The following C7 variants were observed in gnomAD, a reference collection of about 807,000 sequenced individuals.
The protein encoded by C7 is complement component C7.
C7 carries 83 observed loss-of-function variants against 104.8 expected under a neutral mutation model. The observed-to-expected ratio is 0.79, with a 90% CI of 0.66 to 0.95. C7 has a LOEUF of 0.95. C7 is among the 40% of genes least tolerant of loss of function. C7 has a pLI of 0.00. For missense variants in C7, 1,070 were observed against 1,011.2 expected (o/e 1.06, Z -0.79); for synonymous variants, 415 against 360.6 (o/e 1.15, Z -1.71).
rs995804914 is a variant in C7, at chr5:40,982,802, T to C, written c.*1229T>C. ...AAAACAGCAGCTGTGGGAGGAGAAA[T>C]GAGAGGGCTTAAATGAAATTTAAAA... On this transcript the variant is annotated 3_prime_UTR_variant, in exon 18 of 18. Transcript: ENST00000313164. 3 of 152,292 alleles carry C rather than the reference T, an allele frequency of 2.0e-5. No individual in the cohort carries two copies. Among genetic ancestry groups the C allele is most frequent in the African/African-American group, 7.2e-5 (3 of 41,434 alleles). The allele number at this position is 152,292 out of a possible 1,614,324, so 9.4% of individuals were successfully genotyped here.
chr5:40,924,991 T>A (rs28770573), intron 1 of C7, among the ~76,000 whole-genome samples: 2 of 152,096 alleles, frequency 1.3e-5, no homozygotes, highest in South Asian at 2.1e-4. Flanking sequence ...CTATTAACAC[T>A]TGGCTTCCTT....
intron 16 of C7, among the ~76,000 whole-genome samples, chr5:40,979,376 T>C (rs1740888762): frequency 6.6e-6 from 1 of 152,174 alleles, no homozygotes; most frequent in Admixed American, 6.5e-5. Context: ...CATTGAATGC[T>C]TGGTCTCCAC....
chr5:40,953,639 C>CAAAAAAAAAAAAAAAAAAAAAAAAAAAA (rs397961480), intron 9 of C7, among the ~76,000 whole-genome samples: 1 of 104,140 alleles, frequency 9.6e-6, no homozygotes, highest in Non-Finnish European at 1.8e-5. Flanking sequence ...GACTCTGTCT[C>CAAAAAAAAAAAAAAAAAAAAAAAAAAAA]AAAAAAAAAA....
intron 3 of C7, among the ~76,000 whole-genome samples, chr5:40,932,827 G>T (rs1739724234): frequency 6.6e-6 from 1 of 151,958 alleles, no homozygotes; most frequent in Admixed American, 6.6e-5. Flanking sequence ...TTATGCAATG[G>T]ATACATCCTA....
intron 1 of C7, 126 bp from the exon 2 acceptor site, chr5:40,928,454 C>A: frequency 1.7e-6 from 1 of 597,380 alleles, no homozygotes; most frequent in Non-Finnish European, 2.9e-6. Context: ...GAAATTATTT[C>A]ACATTGTATT....
chr5:40,955,616 A>G, intron 10 of C7, 63 bp downstream of exon 10: 2 of 1,490,070 alleles, frequency 1.3e-6, no homozygotes, highest in Middle Eastern at 1.8e-4. Context: ...AGGAAAACGA[A>G]GGTGGTTAAA....
At chr5:40,972,274 A>G (rs1017686525) in intron 14 of C7, 129 bp from the exon 15 acceptor site, 28 of 750,286 alleles carry the variant, frequency 3.7e-5, no homozygotes, top group Middle Eastern at 2.8e-4. Flanking sequence ...CTAACAGTGA[A>G]CTTACGTCTT....
At chr5:40,943,020 C>T (rs1197334752) in intron 6 of C7, among the ~76,000 whole-genome samples, 1 of 152,196 alleles carries the variant, frequency 6.6e-6, no homozygotes, top group East Asian at 1.9e-4. Context: ...CCTTGGCCTC[C>T]CAAAGTGCTG....
intron 1 of C7, among the ~76,000 whole-genome samples, chr5:40,917,007 C>T (rs1459245745): frequency 6.6e-6 from 1 of 151,648 alleles, no homozygotes; most frequent in Non-Finnish European, 1.5e-5. Context: ...TGTTGGCGCT[C>T]ACCTGTAATC....
intron 16 of C7, among the ~76,000 whole-genome samples, chr5:40,979,419 G>A (rs1274375729): frequency 2.6e-5 from 4 of 152,052 alleles, no homozygotes; most frequent in Non-Finnish European, 1.5e-5. Flanking sequence ...GCTGTTGCTA[G>A]CAGACCTTTT....
intron 4 of C7, among the ~76,000 whole-genome samples, chr5:40,935,226 T>A (rs1324601103): frequency 6.6e-6 from 1 of 152,208 alleles, no homozygotes; most frequent in Non-Finnish European, 1.5e-5. Context: ...AGCAATCACT[T>A]CCATATTTTC....
At chr5:40,951,809 A>G (rs1031817630) in intron 9 of C7, among the ~76,000 whole-genome samples, 3 of 152,162 alleles carry the variant, frequency 2.0e-5, no homozygotes, top group Non-Finnish European at 4.4e-5. Flanking sequence ...GATTCTTGGG[A>G]TATTGGTAGA....
Position 40,947,786 on chromosome 5 carries a change from C to G in C7, c.923C>G (p.Ser308Trp), listed in dbSNP as rs1244593692. The G allele has an allele frequency of 7.4e-6, 12 of 1,612,844 alleles. No individual in the cohort carries two copies. The highest frequency in any genetic ancestry group is 3.3e-5 in the Admixed American group (2 of 59,946). ...GGGACACATTATCTGCAATCTGGGT[C>G]GTTAGGAGGAGAATACAGAGTTCTA... ...QYGTHYLQSGSLGGEYRVLFY... is the reference protein window; with the variant it reads ...QYGTHYLQSGWLGGEYRVLFY... The change falls in exon 8 of 18, where the codon TCG becomes TGG. Residue 308 changes from serine (S) to tryptophan (W), a missense_variant. By Grantham distance (177) the Ser-to-Trp change is radical. Transcript: ENST00000313164.
chr5:40,970,649 G>T (rs1196873126), intron 14 of C7, among the ~76,000 whole-genome samples: 1 of 152,014 alleles, frequency 6.6e-6, no homozygotes, highest in Non-Finnish European at 1.5e-5. Flanking sequence ...GTGCAGGTTT[G>T]TTACATAGGT....
intron 14 of C7, among the ~76,000 whole-genome samples, chr5:40,965,676 CTT>C (rs1740532621): frequency 7.0e-6 from 1 of 143,718 alleles, no homozygotes; most frequent in Non-Finnish European, 1.5e-5. Flanking sequence ...GAGTCTCACT[CTT>C]TTGCCAAGGC....
chr5:40,947,893 A>G (rs1417500352), intron 8 of C7, 48 bp downstream of exon 8: 2 of 1,560,924 alleles, frequency 1.3e-6, no homozygotes, highest in Non-Finnish European at 8.8e-7. Context: ...TGGGATTTTA[A>G]TGGGGAAATA....
chr5:40,911,631 CT>C (rs1561233207), intron 1 of C7, among the ~76,000 whole-genome samples: 1 of 152,174 alleles, frequency 6.6e-6, no homozygotes, highest in African/African-American at 2.4e-5. Context: ...GGAGGTAGAG[CT>C]AATGCTCATT....
chr5:40,940,538 A>T (rs1739913975), intron 6 of C7, among the ~76,000 whole-genome samples: 4 of 152,232 alleles, frequency 2.6e-5, no homozygotes, highest in Admixed American at 2.6e-4. Flanking sequence ...TCCTAAATGC[A>T]TATCAAATTA....
At chr5:40,965,605 GAC>G (rs1271704788) in intron 14 of C7, among the ~76,000 whole-genome samples, 2 of 150,500 alleles carry the variant, frequency 1.3e-5, no homozygotes, top group African/African-American at 4.9e-5. Flanking sequence ...GATAGCATCA[GAC>G]ACAGTGGTGA....
Sources: gnomAD v4.1 joint callset for allele counts (sites outside exome capture counted in the v4.1 genomes callset) on GRCh38, gnomAD v4.1.1 for gene constraint, MANE v1.5 for transcripts, NCBI Gene and HGNC (gene_info 2026-07-23, HGNC 2026-07-21) for gene names.